ITGAV: variants seen among roughly 807,000 people sequenced by gnomAD.
The protein encoded by ITGAV is integrin alpha-V.
In ITGAV, 76 loss-of-function variants were observed where a neutral mutation model predicts 143.8. That is an observed-to-expected ratio of 0.53 (90% confidence interval 0.44 to 0.64). The LOEUF is 0.64. Among genes scored for constraint, ITGAV ranks in the 30% least tolerant of loss-of-function variants. The pLI is 0.00. For synonymous variants in ITGAV, 453 were observed against 446.7 expected, an observed-to-expected ratio of 1.01 and a Z score of -0.18; for missense variants, 1,193 against 1,274.7, an observed-to-expected ratio of 0.94 and a Z score of 0.98.
At chr2:186,649,688 A>G (rs1390970058) in intron 13 of ITGAV, 152 bp from the exon 14 acceptor site, 3 of 469,506 alleles carry the variant, frequency 6.4e-6, no homozygotes, top group Admixed American at 4.1e-5. Flanking sequence ...CAGTTTTCAT[A>G]TATTTTAGCC....
rs1688924496 is a variant in ITGAV, at chr2:186,667,212, C to G, written c.2309C>G (p.Ala770Gly). ...VSHKVDLAVL[A>G]AVEIRGVSSP... ...CACAAAGTTGATCTTGCTGTTTTAG[C>G]TGCAGTTGAGATAAGAGGGTCAGTA... is the stretch of plus-strand genomic sequence containing the variant. The change falls in exon 23 of 30, where the codon GCT becomes GGT. Residue 770 changes from alanine (A) to glycine (G), a missense_variant. Ala to Gly is a moderately conservative substitution (Grantham distance 60, BLOSUM62 0). Transcript: ENST00000261023. 6.8e-6 allele frequency: 11 copies of G among 1,610,908 alleles called. No individual in the cohort carries two copies. Among genetic ancestry groups the G allele is most frequent in the Non-Finnish European group, 9.3e-6 (11 of 1,177,686 alleles).
intron 29 of ITGAV, 108 bp from the exon 30 acceptor site, chr2:186,677,089 T>G (rs1401102035): frequency 1.1e-5 from 14 of 1,234,102 alleles, no homozygotes; most frequent in Non-Finnish European, 1.4e-5. Flanking sequence ...AAGATAAATT[T>G]TATGAAATAC....
intron 18 of ITGAV, among the ~76,000 whole-genome samples, chr2:186,662,575 A>G (rs2105739846): frequency 6.6e-6 from 1 of 152,316 alleles, no homozygotes; most frequent in South Asian, 2.1e-4. Context: ...TGAGTATTTG[A>G]ATCTACATTT....
intron 13 of ITGAV, among the ~76,000 whole-genome samples, chr2:186,648,929 C>CA (rs1279984782): frequency 6.9e-6 from 1 of 144,310 alleles, no homozygotes; most frequent in African/African-American, 2.6e-5. Flanking sequence ...TATATATATA[C>CA]ATTTGTATAT....
intron 18 of ITGAV, among the ~76,000 whole-genome samples, chr2:186,663,013 T>C (rs1472682095): frequency 6.6e-6 from 1 of 152,210 alleles, no homozygotes; most frequent in Non-Finnish European, 1.5e-5. Context: ...TTAATTTTTA[T>C]GTTTCTTCTT....
intron 5 of ITGAV, among the ~76,000 whole-genome samples, chr2:186,631,481 T>C (rs1289214120): frequency 6.6e-6 from 1 of 152,188 alleles, no homozygotes; most frequent in East Asian, 1.9e-4. Flanking sequence ...GAAGTACTTT[T>C]CTTTATTTAC....
chr2:186,664,929 A>T (rs1406054209), intron 20 of ITGAV, among the ~76,000 whole-genome samples, 197 bp from the exon 21 acceptor site: 1 of 152,180 alleles, frequency 6.6e-6, no homozygotes, highest in Non-Finnish European at 1.5e-5. Context: ...ATGGTTTTGT[A>T]TGGTAGTCCT....
chr2:186,676,591 G>A (rs12620821), intron 28 of ITGAV, among the ~76,000 whole-genome samples: 73,042 of 151,938 alleles, frequency 0.48, 17,801 homozygotes, highest in South Asian at 0.56. Flanking sequence ...CAAAAAAAAG[G>A]AAAACAAATC....
intron 6 of ITGAV, among the ~76,000 whole-genome samples, chr2:186,634,903 C>G (rs972350998): frequency 9.9e-5 from 15 of 152,046 alleles, no homozygotes; most frequent in Admixed American, 2.6e-4. Flanking sequence ...GGAACCAAAA[C>G]TGTCAAGGAA....
In ITGAV at chr2:186,680,691, G is replaced by C. The variant is rs905498826; in HGVS notation, c.*3399G>C. ...TGAAATATCCTAAGGTAACTTGGAA[G>C]CTGTGTAGTATATCAAATTAATTTG... is the stretch of plus-strand genomic sequence containing the variant. On this transcript the variant is annotated 3_prime_UTR_variant, in exon 30 of 30. Coordinates refer to ENST00000261023, the MANE Select transcript of ITGAV (RefSeq NM_002210.5). 1.3e-5 allele frequency: 2 copies of C among 152,736 alleles called. No homozygotes were observed. Among genetic ancestry groups the C allele is most frequent in the Non-Finnish European group, 2.9e-5 (2 of 68,002 alleles). The allele number at this position is 152,736 out of a possible 1,614,324, so 9.5% of individuals were successfully genotyped here.
chr2:186,636,441 A>C (rs967355376), intron 7 of ITGAV, among the ~76,000 whole-genome samples: 7 of 152,240 alleles, frequency 4.6e-5, no homozygotes. Flanking sequence ...CTAGCCTTTA[A>C]GATATGCTTA....
chr2:186,611,567 A>G (rs1041114596), intron 2 of ITGAV, among the ~76,000 whole-genome samples: 7 of 152,280 alleles, frequency 4.6e-5, no homozygotes, highest in African/African-American at 1.7e-4. Context: ...CCATGCTTAT[A>G]TAAGTAGGCA....
intron 20 of ITGAV, 125 bp downstream of exon 20, chr2:186,664,766 TGGAG>T: frequency 8.8e-7 from 1 of 1,131,306 alleles, no homozygotes. Flanking sequence ...TGATAGACAA[TGGAG>T]TGCCTATCTT....
At chr2:186,640,049 T>C (rs1438924555) in intron 10 of ITGAV, among the ~76,000 whole-genome samples, 1 of 152,254 alleles carries the variant, frequency 6.6e-6, no homozygotes. Context: ...TCTCCCTTGA[T>C]ATCTGAGCCA....
At chr2:186,637,405 A>G (rs1687976207) in intron 8 of ITGAV, among the ~76,000 whole-genome samples, 1 of 150,468 alleles carries the variant, frequency 6.6e-6, no homozygotes, top group Non-Finnish European at 1.5e-5. Flanking sequence ...TCCAGAGCCC[A>G]GGGAGGTTGA....
intron 14 of ITGAV, among the ~76,000 whole-genome samples, chr2:186,651,445 G>T (rs749514641): frequency 1.3e-5 from 2 of 151,732 alleles, no homozygotes; most frequent in Non-Finnish European, 2.9e-5. Flanking sequence ...TATAAGAAGG[G>T]TATATAAAAA....
chr2:186,671,168 T>C (rs1039935741), intron 26 of ITGAV, among the ~76,000 whole-genome samples: 1 of 152,174 alleles, frequency 6.6e-6, no homozygotes, highest in Non-Finnish European at 1.5e-5. Flanking sequence ...CTCCCCACTA[T>C]ACTTTGTATG....
chr2:186,666,860 T>C, intron 22 of ITGAV, 77 bp downstream of exon 22: 1 of 707,724 alleles, frequency 1.4e-6, no homozygotes, highest in Non-Finnish European at 2.2e-6. Context: ...TAATATACTT[T>C]AAATATAAAG....
chr2:186,666,755 T>G lies in ITGAV; in HGVS notation c.2218T>G (p.Ser740Ala). Reference protein sequence around the residue: ...SVHQQSEMDTSVKFDLQIQSS... With the variant: ...SVHQQSEMDTAVKFDLQIQSS... ...GCACCAGCAGTCAGAGATGGATACT[T>G]CTGTGAAATTTGACTTACAAATCCA... Residue 740 changes from serine (S) to alanine (A), a missense_variant, in exon 22 of 30, where the codon TCT becomes GCT. Transcript: ENST00000261023. The G allele has an allele frequency of 6.3e-7, 1 of 1,584,846 alleles. No individual in the cohort carries two copies. Among genetic ancestry groups the G allele is most frequent in the Non-Finnish European group, 8.6e-7 (1 of 1,167,968 alleles).
Sources: gnomAD v4.1 joint callset for allele counts (sites outside exome capture counted in the v4.1 genomes callset) on GRCh38, gnomAD v4.1.1 for gene constraint, MANE v1.5 for transcripts, NCBI Gene and HGNC (gene_info 2026-07-23, HGNC 2026-07-21) for gene names.